The following AKAP6 variants were observed in gnomAD, a reference collection of about 807,000 sequenced individuals.
AKAP6 encodes the protein A-kinase anchor protein 6.
A neutral mutation model predicts 188.5 loss-of-function variants in AKAP6; 58 were observed. That is an observed-to-expected ratio of 0.31 (90% CI 0.25 to 0.38). The LOEUF (loss-of-function observed/expected upper bound fraction) is 0.38, where lower values mean the gene tolerates loss of function less well. AKAP6 is among the 10% of genes least tolerant of loss of function. The probability of loss-of-function intolerance (pLI) is 1.00; values close to 1 mark genes in which losing one functional copy is unlikely to be tolerated. For synonymous variants in AKAP6, 989 were observed against 998.6 expected, an observed-to-expected ratio of 0.99 and a Z score of 0.18; for missense variants, 2,710 against 2,740.0, an observed-to-expected ratio of 0.99 and a Z score of 0.24.
intron 7 of AKAP6, among the ~76,000 whole-genome samples, chr14:32,667,790 A>C (rs992381021): frequency 6.6e-6 from 1 of 152,106 alleles, no homozygotes; most frequent in African/African-American, 2.4e-5. Flanking sequence ...TGTTATTATT[A>C]GTATGTAAAG....
At chr14:32,736,468 C>T (rs4982002) in intron 11 of AKAP6, among the ~76,000 whole-genome samples, 23,083 of 152,046 alleles carry the variant, frequency 0.15, 1,843 homozygotes, top group Middle Eastern at 0.2. Flanking sequence ...CTGGTTTGTT[C>T]CTATTGTTTA....
chr14:32,413,149 G>A (rs1270532810), intron 1 of AKAP6, among the ~76,000 whole-genome samples: 2 of 149,024 alleles, frequency 1.3e-5, no homozygotes, highest in African/African-American at 5.0e-5. Context: ...GATGGTCTTA[G>A]GGACAAAAAG....
At chr14:32,395,382 C>T (rs1888845618) in intron 1 of AKAP6, among the ~76,000 whole-genome samples, 1 of 152,102 alleles carries the variant, frequency 6.6e-6, no homozygotes, top group Non-Finnish European at 1.5e-5. Context: ...TGAGCCCCCA[C>T]AAGAAAGTGA....
At position 32,830,055 on chromosome 14, in the gene AKAP6, C is replaced by T; in HGVS notation, c.*250C>T. ...TCGTCTTTGAAGTTCAGCAAAGCTG[C>T]TTGTTCTCCCATGGATTCCTGTCCC... On this transcript the variant is annotated 3_prime_UTR_variant, in exon 14 of 14. Transcript: ENST00000280979. 1 of 681,104 alleles carries T rather than the reference C, an allele frequency of 1.5e-6. No homozygotes were observed. The highest frequency in any genetic ancestry group is 2.7e-6 in the Non-Finnish European group (1 of 373,008). 42.2% of individuals were successfully genotyped at this position (681,104 alleles called of 1,614,324 possible). A position where few individuals can be genotyped will look rare whatever the true frequency, so the allele number is the denominator to read the frequency against.
At chr14:32,509,187 C>T (rs1017682340) in intron 2 of AKAP6, among the ~76,000 whole-genome samples, 1 of 139,466 alleles carries the variant, frequency 7.2e-6, no homozygotes, top group Non-Finnish European at 1.5e-5. Context: ...TGCAGTGGCG[C>T]GATCTCGGCT....
At chr14:32,594,042 C>T (rs733978) in intron 5 of AKAP6, among the ~76,000 whole-genome samples, 53,855 of 152,014 alleles carry the variant, frequency 0.35, 10,933 homozygotes, top group East Asian at 0.89. Flanking sequence ...TTTTAAAATT[C>T]GTAATGATTT....
At chr14:32,738,742 C>T (rs2031547503) in intron 11 of AKAP6, among the ~76,000 whole-genome samples, 1 of 152,080 alleles carries the variant, frequency 6.6e-6, no homozygotes, top group Non-Finnish European at 1.5e-5. Flanking sequence ...TTTTCAAATA[C>T]ACTTTGAAAC....
At chr14:32,725,000 A>AAAAAAAAAAAC (rs2030778777) in intron 9 of AKAP6, among the ~76,000 whole-genome samples, 1 of 148,232 alleles carries the variant, frequency 6.7e-6, no homozygotes, top group African/African-American at 2.5e-5. Flanking sequence ...TAAAAAAAAA[A>AAAAAAAAAAAC]AAAAAAAAAA....
At chr14:32,620,697 T>A (rs1223719203) in intron 7 of AKAP6, among the ~76,000 whole-genome samples, 1 of 152,110 alleles carries the variant, frequency 6.6e-6, no homozygotes, top group Non-Finnish European at 1.5e-5. Flanking sequence ...TTAGAGAGGA[T>A]TCCTTCTTTC....
At chr14:32,825,903 T>G (rs2034661596) in intron 13 of AKAP6, among the ~76,000 whole-genome samples, 1 of 152,218 alleles carries the variant, frequency 6.6e-6, no homozygotes, top group Non-Finnish European at 1.5e-5. Flanking sequence ...AAGATTATCT[T>G]TTTTGTGGCA....
intron 9 of AKAP6, among the ~76,000 whole-genome samples, chr14:32,703,678 T>C (rs145038655): frequency 2.6e-4 from 40 of 152,232 alleles, no homozygotes; most frequent in African/African-American, 8.9e-4. Flanking sequence ...CCAAAAGAAA[T>C]GCTAGTGGCC....
intron 11 of AKAP6, among the ~76,000 whole-genome samples, chr14:32,771,254 T>A (rs895624187): frequency 6.6e-4 from 100 of 151,988 alleles, no homozygotes; most frequent in Admixed American, 6.4e-3. Context: ...TTTCCCCTCC[T>A]TTTTAAAAGT....
At chr14:32,454,280 T>C (rs999223318) in intron 2 of AKAP6, among the ~76,000 whole-genome samples, 1 of 152,182 alleles carries the variant, frequency 6.6e-6, no homozygotes, top group Admixed American at 6.5e-5. Flanking sequence ...GAAATTGAGA[T>C]TGATGGCCCT....
chr14:32,364,037 G>A (rs1269599483), intron 1 of AKAP6, among the ~76,000 whole-genome samples: 2 of 152,196 alleles, frequency 1.3e-5, no homozygotes, highest in African/African-American at 2.4e-5. Flanking sequence ...AGGGGGCTGT[G>A]TGTCTCACTC....
intron 8 of AKAP6, among the ~76,000 whole-genome samples, chr14:32,689,609 AG>A (rs1890083366): frequency 6.6e-6 from 1 of 152,152 alleles, no homozygotes; most frequent in Non-Finnish European, 1.5e-5. Context: ...TAGAGTGGAA[AG>A]GGATTGTACA....
intron 2 of AKAP6, among the ~76,000 whole-genome samples, chr14:32,518,752 C>G (rs896977100): frequency 6.6e-6 from 1 of 152,126 alleles, no homozygotes. Context: ...GAGAATGGAA[C>G]CAAGTTGGAA....
chr14:32,396,236 A>G (rs147549960), intron 1 of AKAP6, among the ~76,000 whole-genome samples: 110 of 152,272 alleles, frequency 7.2e-4, no homozygotes, highest in African/African-American at 2.5e-3. Flanking sequence ...TTGCAATTCA[A>G]TGCTGAGGGG....
At chr14:32,653,014 C>A (rs933219350) in intron 7 of AKAP6, among the ~76,000 whole-genome samples, 2 of 152,112 alleles carry the variant, frequency 1.3e-5, no homozygotes, top group African/African-American at 2.4e-5. Flanking sequence ...GATTGTGCCA[C>A]TACACTCCAG....
In AKAP6 at chr14:32,836,179, A is replaced by C. The variant is rs2034873514; in HGVS notation, c.*6374A>C. 6.6e-6 allele frequency: 1 copy of C among 152,186 alleles called. No homozygotes were observed. Among genetic ancestry groups the C allele is most frequent in the South Asian group, 2.1e-4 (1 of 4,836 alleles). The allele number at this position is 152,186 out of a possible 1,614,324, so 9.4% of individuals were successfully genotyped here. The stretch of plus-strand genomic sequence containing the variant: ...CGTGTAAGACTGTCTTAGTCTGCCC[A>C]GACTGCTTGGACTGTGTTGTTTATA... On this transcript the variant is annotated 3_prime_UTR_variant, in exon 14 of 14. Transcript: ENST00000280979.
Sources: allele counts gnomAD v4.1 joint callset (sites outside exome capture counted in the v4.1 genomes callset), GRCh38; gene constraint gnomAD v4.1.1; transcripts MANE v1.5; gene names NCBI Gene and HGNC (gene_info 2026-07-23, HGNC 2026-07-21).